The following MCAT variants were observed in gnomAD, a reference collection of about 807,000 sequenced individuals.
MCAT encodes the protein malonyl-CoA-acyl carrier protein transacylase, also known as malonyl-CoA-acyl carrier protein transacylase, mitochondrial.
MCAT carries 22 observed loss-of-function variants against 22.9 expected under a neutral mutation model. The observed-to-expected ratio is 0.96, with a 90% CI of 0.69 to 1.37. The LOEUF (loss-of-function observed/expected upper bound fraction) is 1.37, where lower values mean the gene tolerates loss of function less well. MCAT is among the 40% of genes most tolerant of loss of function. The pLI, the probability that MCAT is intolerant of heterozygous loss-of-function variation, is 0.00. For synonymous variants in MCAT, 240 were observed against 233.9 expected, an observed-to-expected ratio of 1.03 and a Z score of -0.24; for missense variants, 534 against 533.6, an observed-to-expected ratio of 1.00 and a Z score of -0.01.
chr22:43,139,174 G>A (rs75446525), intron 2 of MCAT, among the ~76,000 whole-genome samples: 127 of 152,224 alleles, frequency 8.3e-4, no homozygotes, highest in African/African-American at 2.9e-3. Context: ...AGAAAAGGGA[G>A]GAGAGCACGC....
chr22:43,134,127 A>G (rs564481776), intron 3 of MCAT, among the ~76,000 whole-genome samples: 24 of 152,270 alleles, frequency 1.6e-4, no homozygotes, highest in African/African-American at 5.5e-4. Context: ...TTTTTATTCC[A>G]TAATCTTCAA....
rs759491564 is a variant in MCAT at position 43,137,176 on chromosome 22, G to A, written c.634C>T (p.Arg212Trp). 6.2e-6 allele frequency: 10 copies of A among 1,613,992 alleles called. No individual in the cohort carries two copies. The highest frequency in any genetic ancestry group is 1.3e-5 in the African/African-American group (1 of 74,894). ...SKFNFACLEA[R>W]EHCKSLGIEN... ...ATGCCTAAAGACTTGCAGTGTTCCC[G>A]GGCTTCCAAACAGGCGAAGTTGAAC... Residue 212 changes from arginine (R) to tryptophan (W), a missense_variant, in exon 3 of 4, where the codon CGG becomes TGG. Transcript: ENST00000290429.
At chr22:43,139,651 T>C (rs1286769392) in intron 2 of MCAT, among the ~76,000 whole-genome samples, 1 of 150,516 alleles carries the variant, frequency 6.6e-6, no homozygotes, top group Admixed American at 6.7e-5. Context: ...CAATCTCGGC[T>C]CACTGCAACC....
intron 1 of MCAT, 29 bp downstream of exon 1, chr22:43,142,897 C>T (rs776855828): frequency 1.3e-6 from 2 of 1,482,226 alleles, no homozygotes; most frequent in Non-Finnish European, 1.8e-6. Context: ...CTCACCTTCC[C>T]CCTCCTGTCA....
chr22:43,143,058 C>T lies in MCAT; in HGVS notation c.291G>A (p.Val97=). 1.2e-6 allele frequency: 2 copies of T among 1,610,076 alleles called. No individual in the cohort carries two copies. The highest frequency in any genetic ancestry group is 1.7e-6 in the Non-Finnish European group (2 of 1,179,232). The change falls in exon 1 of 4, where the codon GTG becomes GTA. Residue 97 remains valine (V), a synonymous_variant. Coordinates refer to ENST00000290429, the MANE Select transcript of MCAT (RefSeq NM_173467.5). Reference sequence around the variant, plus strand: ...TCAGTTCCAGCAGGTCGTAGCCCAGCACGCGGCGGGCGGCGGCGTAGAGTT... The same window carrying T: ...TCAGTTCCAGCAGGTCGTAGCCCAGTACGCGGCGGGCGGCGGCGTAGAGTT... The part of the protein sequence containing the change: ...VRELYAAARR[V]LGYDLLELSL...
rs748884131 is a variant in MCAT at position 43,137,141 on chromosome 22, G to A, written c.669C>T (p.Pro223=). The A allele has an allele frequency of 7.9e-5, 127 of 1,614,004 alleles. No individual in the cohort carries two copies. The highest frequency in any genetic ancestry group is 1.1e-4 in the Non-Finnish European group (124 of 1,180,042). ...EHCKSLGIEN[P]VCEVSNYLFP... ...AGAGGTAGTTGGACACTTCACATAC[G>A]GGGTTCTCTATGCCTAAAGACTTGC... The change falls in exon 3 of 4, where the codon CCC becomes CCT. Residue 223 remains proline (P), a synonymous_variant. Coordinates refer to ENST00000290429, the MANE Select transcript of MCAT (RefSeq NM_173467.5).
Position 43,143,182 on chromosome 22 carries a change from C to T in MCAT, c.167G>A (p.Arg56Gln). The T allele has an allele frequency of 6.4e-7, 1 of 1,550,914 alleles. No homozygotes were observed. Residue 56 changes from arginine to glutamine, a missense_variant, in exon 1 of 4, where the codon CGG (arginine) becomes CAG (glutamine). Arg to Gln is a conservative substitution (Grantham distance 43). Coordinates refer to ENST00000290429, the MANE Select transcript of MCAT (RefSeq NM_173467.5). ...CACGGAGCACTGGCCCGGCATTCGCCGCTCCGTCGCCGCCCAGGGCGCCTC... is the reference window on the plus strand; with the variant it reads ...CACGGAGCACTGGCCCGGCATTCGCTGCTCCGTCGCCGCCCAGGGCGCCTC... ...EEEAPWAATERRMPGQCSVLL... is the reference protein window; with the variant it reads ...EEEAPWAATEQRMPGQCSVLL...
At position 43,132,733 on chromosome 22, in the gene MCAT, T is replaced by G; in HGVS notation, c.*310A>C. The G allele has an allele frequency of 2.7e-6, 1 of 366,162 alleles. No individual in the cohort carries two copies. The highest frequency in any genetic ancestry group is 5.6e-5 in the East Asian group (1 of 17,750). 22.7% of individuals were successfully genotyped at this position (366,162 alleles called of 1,614,324 possible). ...CAGCAGCCAGTCCTCCCCTTCCCGC[T>G]GAGATGGCACACCTGCCTATGGTGC... On this transcript the variant is annotated 3_prime_UTR_variant, in exon 4 of 4. Transcript: ENST00000290429.
chr22:43,133,483 G>C lies in MCAT; in HGVS notation c.733C>G (p.Leu245Val). 1 of 1,604,218 alleles carries C rather than the reference G, an allele frequency of 6.2e-7. No homozygotes were observed. Among genetic ancestry groups the C allele is most frequent in the Non-Finnish European group, 8.5e-7 (1 of 1,175,108 alleles). ...CRVISGHQEA[L>V]RFLQKNSSKF... ...GAGGAATTCTTCTGGAGAAACCGTA[G>C]AGCCTGGGGAAGGAAGGAGGTTTCA... The change falls in exon 4 of 4, where the codon CTA becomes GTA. Residue 245 changes from leucine (L) to valine (V), a missense_variant. By Grantham distance (32) the Leu-to-Val change is conservative (BLOSUM62 1). Coordinates refer to ENST00000290429, the MANE Select transcript of MCAT (RefSeq NM_173467.5).
chr22:43,142,044 C>T (rs1339860606), intron 1 of MCAT, among the ~76,000 whole-genome samples: 1 of 152,252 alleles, frequency 6.6e-6, no homozygotes, highest in East Asian at 1.9e-4. Flanking sequence ...GACCACTTAA[C>T]TAATTCTTTT....
intron 2 of MCAT, among the ~76,000 whole-genome samples, chr22:43,138,977 C>T (rs1930695255): frequency 6.6e-6 from 1 of 152,142 alleles, no homozygotes; most frequent in Non-Finnish European, 1.5e-5. Context: ...AGGACAAATA[C>T]ATAAACAGCC....
In MCAT at chr22:43,143,256, G is replaced by T. The variant is rs1164706017; in HGVS notation, c.93C>A (p.Gly31=). 6.9e-7 allele frequency: 1 copy of T among 1,449,728 alleles called. No homozygotes were observed. Among genetic ancestry groups the T allele is most frequent in the Non-Finnish European group, 9.0e-7 (1 of 1,111,458 alleles). The allele number at this position is 1,449,728 out of a possible 1,614,324, so 89.8% of individuals were successfully genotyped here. The change falls in exon 1 of 4, where the codon GGC becomes GGA. Residue 31 remains glycine (G), a synonymous_variant. Transcript: ENST00000290429. ...GASSFPVPPP[G]AQGVAELLRD... is the part of the protein sequence containing the mutation. ...GCAGCAGCTCCGCTACACCCTGGGCGCCCGGCGGAGGCACCGGGAAGCTCG... is the reference window on the plus strand; with the variant it reads ...GCAGCAGCTCCGCTACACCCTGGGCTCCCGGCGGAGGCACCGGGAAGCTCG...
chr22:43,141,363 A>C, intron 1 of MCAT, 114 bp from the exon 2 acceptor site: 1 of 813,914 alleles, frequency 1.2e-6, no homozygotes, highest in South Asian at 1.4e-5. Flanking sequence ...AGGTTCTACG[A>C]ACTTGGTGCA....
rs751425853 is a variant in MCAT at position 43,137,106 on chromosome 22, C to T, written c.704G>A (p.Cys235Tyr). 8.1e-6 allele frequency: 13 copies of T among 1,614,062 alleles called. No homozygotes were observed. In the Admixed American group the frequency reaches 8.3e-5, roughly 10 times the overall value. Residue 235 changes from cysteine (C) to tyrosine (Y), a missense_variant, in exon 3 of 4, where the codon TGC (cysteine) becomes TAC (tyrosine). Cys to Tyr is a radical substitution (Grantham distance 194). Coordinates refer to ENST00000290429, the MANE Select transcript of MCAT (RefSeq NM_173467.5). ...CTCTTGGTGTCCTGAAATCACCCTG[C>T]AATCTGGAAAGAGGTAGTTGGACAC... ...CEVSNYLFPDCRVISGHQEAL... is the reference protein window; with the variant it reads ...CEVSNYLFPDYRVISGHQEAL...
At chr22:43,140,568 T>C (rs1029210776) in intron 2 of MCAT, among the ~76,000 whole-genome samples, 6 of 152,180 alleles carry the variant, frequency 3.9e-5, no homozygotes, top group Admixed American at 6.5e-5. Context: ...CAGGGTGGTC[T>C]AAAACTCCTG....
Position 43,143,081 on chromosome 22 carries a change from G to T in MCAT, c.268C>A (p.Leu90Ile). The change falls in exon 1 of 4, where the codon CTC (leucine) becomes ATC (isoleucine). Residue 90 changes from leucine to isoleucine, a missense_variant. By Grantham distance (5) the Leu-to-Ile change is conservative. Coordinates refer to ENST00000290429, the MANE Select transcript of MCAT (RefSeq NM_173467.5). The stretch of plus-strand genomic sequence containing the variant: ...AGCACGCGGCGGGCGGCGGCGTAGA[G>T]TTCGCGGACGCGCGGGTAGTTGAGC... ...GLLNYPRVRE[L>I]YAAARRVLGY... is the part of the protein sequence containing the mutation. 6.2e-7 allele frequency: 1 copy of T among 1,607,994 alleles called. No homozygotes were observed. Among genetic ancestry groups the T allele is most frequent in the Non-Finnish European group, 8.5e-7 (1 of 1,179,178 alleles).
intron 2 of MCAT, among the ~76,000 whole-genome samples, chr22:43,138,419 G>A (rs1415236766): frequency 6.6e-6 from 1 of 152,146 alleles, no homozygotes; most frequent in African/African-American, 2.4e-5. Context: ...ATGGAGAGAG[G>A]GCAGGCAGTG....
Position 43,137,174 on chromosome 22 carries a change from C to T in MCAT, c.636G>A (p.Arg212=), listed in dbSNP as rs374760698. The change falls in exon 3 of 4, where the codon CGG becomes CGA. Residue 212 remains arginine, a synonymous_variant. Transcript: ENST00000290429. ...CTATGCCTAAAGACTTGCAGTGTTC[C>T]CGGGCTTCCAAACAGGCGAAGTTGA... ...SKFNFACLEA[R]EHCKSLGIEN... 15 of 1,614,154 alleles carry T rather than the reference C, an allele frequency of 9.3e-6. No homozygotes were observed. The Admixed American group carries it at 1.3e-4, about 14-fold the overall frequency.
intron 3 of MCAT, among the ~76,000 whole-genome samples, chr22:43,134,018 G>A (rs541981760): frequency 2.0e-5 from 3 of 152,092 alleles, no homozygotes; most frequent in African/African-American, 4.8e-5. Context: ...CACCCTCTTC[G>A]GCCTCCCAAA....
Sources: gnomAD v4.1 joint callset for allele counts (sites outside exome capture counted in the v4.1 genomes callset) on GRCh38, gnomAD v4.1.1 for gene constraint, MANE v1.5 for transcripts, NCBI Gene and HGNC (gene_info 2026-07-23, HGNC 2026-07-21) for gene names.